Variants in RBFOX1 observed in about 807,000 individuals in gnomAD.
RBFOX1 encodes RNA binding fox-1 homolog 1, also known as RNA binding protein fox-1 homolog 1.
Under a neutral mutation model 57.7 loss-of-function variants are expected in RBFOX1, and 8 were observed. That is an observed-to-expected ratio of 0.14 (90% CI 0.08 to 0.25). The LOEUF is 0.25. RBFOX1 is among the 10% of genes least tolerant of loss of function. RBFOX1 has a pLI of 1.00. For synonymous variants in RBFOX1, 326 were observed against 222.4 expected, an observed-to-expected ratio of 1.47 and a Z score of -4.15; for missense variants, 611 against 548.5, an observed-to-expected ratio of 1.11 and a Z score of -1.14.
At chr16:6,527,191 C>T (rs1335952804) in intron 2 of RBFOX1, among the ~76,000 whole-genome samples, 1 of 152,104 alleles carries the variant, frequency 6.6e-6, no homozygotes, top group Non-Finnish European at 1.5e-5. Context: ...AGTAAGTCTC[C>T]TATCTACCTA....
intron 5 of RBFOX1, among the ~76,000 whole-genome samples, chr16:7,544,470 T>A (rs1314362259): frequency 1.3e-5 from 2 of 152,166 alleles, no homozygotes; most frequent in Non-Finnish European, 2.9e-5. Context: ...GGCCCTGAAT[T>A]CAATGAGTGT....
In RBFOX1 at chr16:7,599,638, C is replaced by CTTTTTTTTTTTTTTT. The variant is rs542898195; in HGVS notation, c.622+2219_622+2220insTTTTTTTTTTTTTTT. On this transcript the variant is annotated intron_variant, in intron 9 of 15. Transcript: ENST00000550418. ...GAGAAGATGAAGAAATTAATAAAGA[C>CTTTTTTTTTTTTTTT]TTTTTTTTTTTTCTTTTTTTTTTTT... 1.9e-4 allele frequency among the ~76,000 whole-genome samples: 12 copies of CTTTTTTTTTTTTTTT among 62,804 alleles called. 3 individuals carry two copies. Among genetic ancestry groups the CTTTTTTTTTTTTTTT allele is most frequent in the African/African-American group, 5.9e-4 (12 of 20,330 alleles). The allele number at this position is 62,804 out of a possible 152,430, so 41.2% of individuals were successfully genotyped here. A position where few individuals can be genotyped will look rare whatever the true frequency, so the allele number is the denominator to read the frequency against.
At chr16:6,526,857 A>AAAAAAAAC (rs1567560941) in intron 2 of RBFOX1, among the ~76,000 whole-genome samples, 73 of 130,406 alleles carry the variant, frequency 5.6e-4, no homozygotes, top group African/African-American at 2.4e-3. Flanking sequence ...AAAAAAAAAA[A>AAAAAAAAC]AACAACCAGA....
chr16:5,415,844 C>A (rs942455446), intron 1 of RBFOX1, among the ~76,000 whole-genome samples: 1 of 152,120 alleles, frequency 6.6e-6, no homozygotes, highest in African/African-American at 2.4e-5. Context: ...GGCTAAGACA[C>A]AGGGATATTT....
At chr16:7,702,743 T>G (rs1018191318) in intron 14 of RBFOX1, among the ~76,000 whole-genome samples, 1 of 152,218 alleles carries the variant, frequency 6.6e-6, no homozygotes, top group Non-Finnish European at 1.5e-5. Flanking sequence ...TGGTCTGGAA[T>G]GTATGTTCCA....
intron 4 of RBFOX1, among the ~76,000 whole-genome samples, chr16:7,267,232 C>G (rs953820973): frequency 8.0e-5 from 12 of 150,312 alleles, no homozygotes; most frequent in Admixed American, 7.9e-4. Context: ...AACCCTGTCT[C>G]TACTAAAAAT....
At chr16:6,415,348 C>T (rs902264864) in intron 2 of RBFOX1, among the ~76,000 whole-genome samples, 4 of 151,472 alleles carry the variant, frequency 2.6e-5, no homozygotes, top group Admixed American at 2.0e-4. Flanking sequence ...ATGCAGGTGA[C>T]TTAAGTGATA....
At chr16:5,913,389 G>C (rs2058644240) in intron 4 of RBFOX1, among the ~76,000 whole-genome samples, 1 of 152,170 alleles carries the variant, frequency 6.6e-6, no homozygotes, top group Admixed American at 6.5e-5. Context: ...AGGGGTTTGG[G>C]TGATGGGGGG....
chr16:6,783,113 C>G (rs1344071017), intron 3 of RBFOX1, among the ~76,000 whole-genome samples: 1 of 151,488 alleles, frequency 6.6e-6, no homozygotes, highest in Non-Finnish European at 1.5e-5. Context: ...CATTTTCAGT[C>G]TGTGTGTTTT....
chr16:6,539,682 C>G lies in RBFOX1; in HGVS notation c.-63-114921C>G, dbSNP rs13333803. On this transcript the variant is annotated intron_variant, in intron 2 of 15. Transcript: ENST00000550418. ...GCCTGGTGGCCAGCACCTGTAGTCC[C>G]AGCTCCACGGGAGGCTGAGGCAGGA... Among the ~76,000 whole-genome samples the G allele has an allele frequency of 5.7e-3, 872 of 152,136 alleles. 7 individuals are homozygous for G. The highest frequency in any genetic ancestry group is 0.018 in the African/African-American group (759 of 41,518).
chr16:6,439,215 G>C (rs1218202769), intron 2 of RBFOX1, among the ~76,000 whole-genome samples: 1 of 152,134 alleles, frequency 6.6e-6, no homozygotes, highest in Non-Finnish European at 1.5e-5. Context: ...TGAGACTACA[G>C]GACAGGCAGG....
intron 3 of RBFOX1, among the ~76,000 whole-genome samples, chr16:7,014,242 G>A (rs138047983): frequency 3.9e-4 from 59 of 150,644 alleles, no homozygotes; most frequent in African/African-American, 1.1e-3. Flanking sequence ...GTGGAGTCTC[G>A]CTCTGTCGCC....
rs945458288 is a variant in RBFOX1 at position 5,392,209 on chromosome 16, A to G, written c.220-75007A>G. On this transcript the variant is annotated intron_variant, in intron 1 of 2. Coordinates refer to the RBFOX1 transcript ENST00000585867. ...GTACTGCTTGGGTGATGGGTGCACC[A>G]AAACCTCACAAATCACCACTAAGGA... Among the ~76,000 whole-genome samples the G allele has an allele frequency of 1.1e-4, 17 of 152,274 alleles. No individual in the cohort carries two copies. The East Asian group carries it at 1.9e-3, about 17-fold the overall frequency.
chr16:6,791,938 C>G (rs1219340129), intron 3 of RBFOX1, among the ~76,000 whole-genome samples: 1 of 152,128 alleles, frequency 6.6e-6, no homozygotes, highest in African/African-American at 2.4e-5. Flanking sequence ...GAGACTGGAA[C>G]TTAGGAGAGC....
chr16:6,655,006 A>G (rs1602971084), intron 3 of RBFOX1, among the ~76,000 whole-genome samples: 1 of 151,826 alleles, frequency 6.6e-6, no homozygotes, highest in Non-Finnish European at 1.5e-5. Flanking sequence ...TAATTATATT[A>G]TTACTTACAT....
At chr16:5,483,191 G>A (rs2069606216) in intron 2 of RBFOX1, among the ~76,000 whole-genome samples, 2 of 152,188 alleles carry the variant, frequency 1.3e-5, no homozygotes, top group South Asian at 2.1e-4. Flanking sequence ...AGTCCTTGAT[G>A]GCTTGGATTT....
At chr16:6,838,338 T>G (rs1192607693) in intron 3 of RBFOX1, among the ~76,000 whole-genome samples, 1 of 152,164 alleles carries the variant, frequency 6.6e-6, no homozygotes, top group Non-Finnish European at 1.5e-5. Flanking sequence ...TTCACCCATG[T>G]CCCTGCAAAG....
intron 4 of RBFOX1, among the ~76,000 whole-genome samples, chr16:7,272,324 A>T (rs1185582520): frequency 6.6e-6 from 1 of 151,306 alleles, no homozygotes; most frequent in Non-Finnish European, 1.5e-5. Context: ...AGCTGGGATT[A>T]CAGGCGCCCA....
chr16:7,145,432 C>G (rs1365340662), intron 4 of RBFOX1, among the ~76,000 whole-genome samples: 1 of 152,186 alleles, frequency 6.6e-6, no homozygotes, highest in African/African-American at 2.4e-5. Flanking sequence ...GTCTTGAACT[C>G]CTGACTTGAA....
Sources: gnomAD v4.1 joint callset for allele counts (sites outside exome capture counted in the v4.1 genomes callset) on GRCh38, gnomAD v4.1.1 for gene constraint, MANE v1.5 for transcripts, NCBI Gene and HGNC (gene_info 2026-07-23, HGNC 2026-07-21) for gene names.